The following KSR2 variants were observed in gnomAD, a reference collection of about 807,000 sequenced individuals.
KSR2 encodes the protein kinase suppressor of ras 2.
Under a neutral mutation model 107.8 loss-of-function variants are expected in KSR2, and 25 were observed. The ratio of observed to expected loss-of-function variants is 0.23; its 90% CI spans 0.17 to 0.32. KSR2 has a LOEUF of 0.32. Among genes scored for constraint, KSR2 ranks in the 10% least tolerant of loss-of-function variants. The probability of loss-of-function intolerance (pLI) is 1.00; values close to 1 mark genes in which losing one functional copy is unlikely to be tolerated. For synonymous variants in KSR2, 480 were observed against 507.0 expected (o/e 0.95, Z 0.71); for missense variants, 887 against 1,268.9 (o/e 0.70, Z 4.57).
intron 1 of KSR2, among the ~76,000 whole-genome samples, chr12:117,887,252 G>A (rs56324591): frequency 1.3e-5 from 2 of 151,448 alleles, no homozygotes; most frequent in Non-Finnish European, 2.9e-5. Context: ...TTCTTTTTCG[G>A]TTTTTGTTTT....
intron 14 of KSR2, among the ~76,000 whole-genome samples, chr12:117,497,610 A>T (rs1029643944): frequency 6.6e-6 from 1 of 152,186 alleles, no homozygotes; most frequent in Non-Finnish European, 1.5e-5. Context: ...CTCTCTAAAG[A>T]GGGTACAGAC....
intron 5 of KSR2, among the ~76,000 whole-genome samples, chr12:117,624,868 CT>C (rs1452626297): frequency 6.6e-6 from 1 of 152,176 alleles, no homozygotes; most frequent in Admixed American, 6.5e-5. Context: ...TTTGTGTCAT[CT>C]TTTATTTCAC....
intron 18 of KSR2, 61 bp from the exon 19 acceptor site, chr12:117,469,856 C>T (rs1042153021): frequency 1.3e-6 from 2 of 1,577,796 alleles, no homozygotes; most frequent in Non-Finnish European, 1.7e-6. Flanking sequence ...TACTCTTTGG[C>T]ATCACATTTG....
intron 5 of KSR2, among the ~76,000 whole-genome samples, chr12:117,609,082 C>G (rs2136312055): frequency 6.6e-6 from 1 of 152,282 alleles, no homozygotes; most frequent in Admixed American, 6.5e-5. Flanking sequence ...GAGACAGACA[C>G]ATCCAGGCTT....
intron 5 of KSR2, 66 bp downstream of exon 5, chr12:117,667,408 G>C (rs1884699958): frequency 7.0e-7 from 1 of 1,438,382 alleles, no homozygotes; most frequent in South Asian, 1.2e-5. Flanking sequence ...ACAGAGGACA[G>C]CAGGTGCTGG....
chr12:117,565,710 CTGTT>C (rs1878443453), intron 7 of KSR2, among the ~76,000 whole-genome samples: 2 of 152,294 alleles, frequency 1.3e-5, no homozygotes, highest in African/African-American at 4.8e-5. Flanking sequence ...GATAACTTAT[CTGTT>C]TGTTTACTCT....
chr12:117,649,014 T>C (rs1883776811), intron 5 of KSR2, among the ~76,000 whole-genome samples: 1 of 152,236 alleles, frequency 6.6e-6, no homozygotes, highest in South Asian at 2.1e-4. Context: ...TGATACTTTG[T>C]CCATCTGAAC....
intron 1 of KSR2, among the ~76,000 whole-genome samples, chr12:117,935,866 G>A (rs376887178): frequency 6.6e-6 from 1 of 152,076 alleles, no homozygotes; most frequent in Non-Finnish European, 1.5e-5. Flanking sequence ...TGGCACATGC[G>A]GTGGCCTCTC....
At chr12:117,952,433 G>A (rs1896392102) in intron 1 of KSR2, among the ~76,000 whole-genome samples, 1 of 152,170 alleles carries the variant, frequency 6.6e-6, no homozygotes, top group African/African-American at 2.4e-5. Context: ...CAGATCACCT[G>A]AGGCCAAGAG....
chr12:117,672,904 C>T (rs1043688469), intron 4 of KSR2, among the ~76,000 whole-genome samples: 2 of 152,230 alleles, frequency 1.3e-5, no homozygotes, highest in Non-Finnish European at 2.9e-5. Flanking sequence ...GCTGGGATTA[C>T]AGGCGTGGGC....
chr12:117,945,841 GCAAA>G (rs1398510446), intron 1 of KSR2, among the ~76,000 whole-genome samples: 1 of 152,132 alleles, frequency 6.6e-6, no homozygotes, highest in Non-Finnish European at 1.5e-5. Context: ...GTGCTAGCGT[GCAAA>G]CAAAGGAGAG....
intron 14 of KSR2, among the ~76,000 whole-genome samples, chr12:117,499,667 G>T (rs1873262583): frequency 6.6e-6 from 1 of 152,186 alleles, no homozygotes; most frequent in Non-Finnish European, 1.5e-5. Flanking sequence ...TTTGGAAGTG[G>T]GCACACAACA....
At chr12:117,753,671 C>T (rs908257062) in intron 4 of KSR2, among the ~76,000 whole-genome samples, 6 of 151,904 alleles carry the variant, frequency 3.9e-5, no homozygotes, top group South Asian at 4.2e-4. Context: ...GGAGGGTAGA[C>T]GGTGGGAGGA....
At chr12:117,939,187 A>C (rs1895932032) in intron 1 of KSR2, among the ~76,000 whole-genome samples, 10 of 152,204 alleles carry the variant, frequency 6.6e-5, no homozygotes, top group Admixed American at 6.5e-4. Context: ...CTGATTGAGG[A>C]ATTGTTGGTA....
At chr12:117,734,461 C>G (rs1483695639) in intron 4 of KSR2, among the ~76,000 whole-genome samples, 1 of 152,076 alleles carries the variant, frequency 6.6e-6, no homozygotes, top group South Asian at 2.1e-4. Context: ...AGATGAAAAT[C>G]TCACTAACAT....
intron 7 of KSR2, among the ~76,000 whole-genome samples, chr12:117,564,501 T>G (rs147245224): frequency 3.2e-4 from 48 of 149,028 alleles, no homozygotes; most frequent in Middle Eastern, 3.5e-3. Flanking sequence ...TATTTAAAAC[T>G]TTCATGGCAA....
intron 4 of KSR2, among the ~76,000 whole-genome samples, chr12:117,709,094 A>G (rs895471): frequency 0.4 from 61,366 of 151,880 alleles, 13,446 homozygotes; most frequent in African/African-American, 0.57. Flanking sequence ...GCCTTAACTT[A>G]AACACACCTG....
intron 1 of KSR2, among the ~76,000 whole-genome samples, chr12:117,952,186 T>C (rs199814366): frequency 0.021 from 2,002 of 96,512 alleles, 40 homozygotes; most frequent in African/African-American, 0.067. Context: ...CACACACACA[T>C]ACACATACAC....
At chr12:117,968,046 T>C in intron 1 of KSR2, 30 bp downstream of exon 1, 1 of 1,152,070 alleles carries the variant, frequency 8.7e-7, no homozygotes, top group Non-Finnish European at 1.2e-6. Context: ...TTTTTTTTTT[T>C]TTTTTTTTTT....
Sources: allele counts gnomAD v4.1 joint callset (sites outside exome capture counted in the v4.1 genomes callset), GRCh38; gene constraint gnomAD v4.1.1; transcripts MANE v1.5; gene names NCBI Gene and HGNC (gene_info 2026-07-23, HGNC 2026-07-21).